OXNAD1: variants seen among roughly 807,000 people sequenced by gnomAD.
OXNAD1 encodes the protein oxidoreductase NAD-binding domain-containing protein 1.
In OXNAD1, 34 loss-of-function variants were observed where a neutral mutation model predicts 32.9. The observed-to-expected ratio is 1.03, with a 90% CI of 0.79 to 1.38. OXNAD1 has a LOEUF of 1.38. Among genes scored for constraint, OXNAD1 ranks in the 40% most tolerant of loss-of-function variants. OXNAD1 has a pLI of 0.00. For synonymous variants in OXNAD1, 134 were observed against 135.2 expected (o/e 0.99, Z 0.06); for missense variants, 407 against 379.4 (o/e 1.07, Z -0.60).
rs1466083020 is a variant in OXNAD1 at position 16,334,248 on chromosome 3, A to G, written c.*31-2864A>G. ...ACCTATTGAACTGGTAAAAACCCAA[A>G]AGTTAGGCAGCCCGCTTTGTTGCCA... On this transcript the variant is annotated intron_variant, in intron 9 of 9. Coordinates refer to the OXNAD1 transcript ENST00000435829. This position sits in a 1 kb window ranked among gnomAD's most constrained non-coding sequence, Gnocchi z 4.3. Among the ~76,000 whole-genome samples, 1 of 152,154 alleles carries G rather than the reference A, an allele frequency of 6.6e-6. No homozygotes were observed. Among genetic ancestry groups the G allele is most frequent in the African/African-American group, 2.4e-5 (1 of 41,434 alleles).
At position 16,294,528 on chromosome 3, in the gene OXNAD1, G is replaced by A. The variant is rs2066641883; in HGVS notation, c.291-328G>A. ...CTGGCCTGGGCCTGAGCTTTTCTTTGTGGGAAGTTTTAAAATTATTAACTC... is the reference window on the plus strand; with the variant it reads ...CTGGCCTGGGCCTGAGCTTTTCTTTATGGGAAGTTTTAAAATTATTAACTC... On this transcript the variant is annotated intron_variant, in intron 5 of 8. Transcript: ENST00000285083. Among the ~76,000 whole-genome samples, 3 of 152,106 alleles carry A rather than the reference G, an allele frequency of 2.0e-5. No homozygotes were observed. The South Asian group carries it at 6.2e-4, about 31-fold the overall frequency.
In OXNAD1 at chr3:16,303,467, A is replaced by G. The variant is rs201533216; in HGVS notation, c.844A>G (p.Ile282Val). 3.1e-6 allele frequency: 5 copies of G among 1,613,938 alleles called. No homozygotes were observed. The highest frequency in any genetic ancestry group is 4.2e-6 in the Non-Finnish European group (5 of 1,179,936). Reference sequence around the variant, plus strand: ...TATTTCAAAAGAGACTTTGTTCTATATTTGTGGCCCACCTCCAATGACAGA... The same window carrying G: ...TATTTCAAAAGAGACTTTGTTCTATGTTTGTGGCCCACCTCCAATGACAGA... ...DHISKETLFY[I>V]CGPPPMTDFF... is the part of the protein sequence containing the mutation. The change falls in exon 9 of 9, where the codon ATT becomes GTT. Residue 282 changes from isoleucine to valine, a missense_variant. By Grantham distance (29) the Ile-to-Val change is conservative. Transcript: ENST00000285083. This position sits in a 1 kb window ranked among gnomAD's most constrained non-coding sequence, Gnocchi z 4.8.
rs1471695954 is a variant in OXNAD1 at position 16,335,559 on chromosome 3, ACGG to A, written c.*31-1552_*31-1550del. Among the ~76,000 whole-genome samples the A allele has an allele frequency of 3.9e-5, 6 of 152,214 alleles. No individual in the cohort carries two copies. The highest frequency in any genetic ancestry group is 3.3e-4 in the Admixed American group (5 of 15,276). Reference sequence around the variant, plus strand: ...TCTCACTTACAAGTGGGAGAGCTGAACGGTGAAAACACATGTGAAAACACATGG... The same window carrying A: ...TCTCACTTACAAGTGGGAGAGCTGAATGAAAACACATGTGAAAACACATGG... On this transcript the variant is annotated intron_variant, in intron 9 of 9. Coordinates refer to the OXNAD1 transcript ENST00000435829. This position sits in a 1 kb window ranked among gnomAD's most constrained non-coding sequence, Gnocchi z 4.7.
intron 9 of OXNAD1, among the ~76,000 whole-genome samples, chr3:16,343,945 G>C (rs1397673871): frequency 6.6e-6 from 1 of 152,140 alleles, no homozygotes; most frequent in South Asian, 2.1e-4. Flanking sequence ...TGGAAATGAC[G>C]AGCAACTGCC....
At position 16,280,604 on chromosome 3, in the gene OXNAD1, A is replaced by G. The variant is rs959720250; in HGVS notation, c.184-5738A>G. 2.0e-5 allele frequency among the ~76,000 whole-genome samples: 3 copies of G among 152,124 alleles called. No individual in the cohort carries two copies. The highest frequency in any genetic ancestry group is 2.1e-4 in the South Asian group (1 of 4,822). On this transcript the variant is annotated intron_variant, in intron 4 of 8. Coordinates refer to ENST00000285083, the MANE Select transcript of OXNAD1 (RefSeq NM_138381.5). The surrounding 1 kb of genome is among the most constrained non-coding windows in gnomAD (Gnocchi z 4.5). Reference sequence around the variant, plus strand: ...TTCTGAAATTCTCTGAACCATACCTACATTTTTGTTTTAGGTCATCTCTAG... The same window carrying G: ...TTCTGAAATTCTCTGAACCATACCTGCATTTTTGTTTTAGGTCATCTCTAG...
intron 4 of OXNAD1, chr3:16,272,042 C>T: frequency 2.1e-6 from 1 of 484,182 alleles, no homozygotes; most frequent in Non-Finnish European, 3.8e-6. Context: ...TCCTTTAAAG[C>T]CTACATTTTA....
chr3:16,331,918 C>T (rs1460139737), intron 9 of OXNAD1, among the ~76,000 whole-genome samples: 3 of 152,158 alleles, frequency 2.0e-5, no homozygotes, highest in African/African-American at 2.4e-5. Flanking sequence ...TTGATTTATC[C>T]GTCAAAATTT....
In OXNAD1 at chr3:16,289,925, CAT is replaced by C. The variant is rs2066316711; in HGVS notation, c.290+3480_290+3481del. On this transcript the variant is annotated intron_variant, in intron 5 of 8. Transcript: ENST00000285083. This position sits in a 1 kb window ranked among gnomAD's most constrained non-coding sequence, Gnocchi z 4.9. ...GGTTCATTGAGGGCAGCAACTAAGACATATGTGCATCTTTGTACCTCCAGCAA... is the reference window on the plus strand; with the variant it reads ...GGTTCATTGAGGGCAGCAACTAAGACATGTGCATCTTTGTACCTCCAGCAA... Among the ~76,000 whole-genome samples, 1 of 152,216 alleles carries C rather than the reference CAT, an allele frequency of 6.6e-6. No individual in the cohort carries two copies. The highest frequency in any genetic ancestry group is 2.4e-5 in the African/African-American group (1 of 41,456).
chr3:16,326,114 G>T (rs2069663760), intron 9 of OXNAD1, among the ~76,000 whole-genome samples: 1 of 152,260 alleles, frequency 6.6e-6, no homozygotes, highest in African/African-American at 2.4e-5. Context: ...CACAGGGCAA[G>T]ACTAATTTGG....
intron 9 of OXNAD1, among the ~76,000 whole-genome samples, chr3:16,315,362 T>C (rs842425): frequency 0.58 from 88,630 of 152,054 alleles, 25,998 homozygotes; most frequent in African/African-American, 0.66. Context: ...GTGATCAGCC[T>C]GCCTCAGCCT....
chr3:16,318,027 C>T (rs1372461507), intron 9 of OXNAD1, among the ~76,000 whole-genome samples: 2 of 152,202 alleles, frequency 1.3e-5, no homozygotes, highest in African/African-American at 4.8e-5. Flanking sequence ...AGGCCGCTTC[C>T]CGGGGGCCCA....
At position 16,271,120 on chromosome 3, in the gene OXNAD1, C is replaced by T. The variant is rs967221122; in HGVS notation, c.119+49C>T. 1.9e-6 allele frequency: 3 copies of T among 1,596,590 alleles called. No individual in the cohort carries two copies. Among genetic ancestry groups the T allele is most frequent in the African/African-American group, 1.3e-5 (1 of 74,468 alleles). On this transcript the variant is annotated intron_variant, in intron 3 of 8. Transcript: ENST00000285083. This position sits in a 1 kb window ranked among gnomAD's most constrained non-coding sequence, Gnocchi z 4.6. ...CATTTGAAGTTAATTTTCAAAGAGA[C>T]CCGACCTGCTGATGGTTGTGGGAGG...
intron 9 of OXNAD1, among the ~76,000 whole-genome samples, chr3:16,332,281 C>T (rs2070393855): frequency 6.6e-6 from 1 of 151,980 alleles, no homozygotes; most frequent in Admixed American, 6.6e-5. Context: ...ATTACCTTCC[C>T]CCACAGTTTT....
chr3:16,292,827 A>C (rs773779322), intron 5 of OXNAD1, among the ~76,000 whole-genome samples: 1 of 152,206 alleles, frequency 6.6e-6, no homozygotes, highest in Non-Finnish European at 1.5e-5. Flanking sequence ...AAATCAATTC[A>C]CCATGAATTT....
intron 9 of OXNAD1, among the ~76,000 whole-genome samples, chr3:16,311,578 C>T (rs1255327151): frequency 2.0e-5 from 3 of 152,136 alleles, no homozygotes; most frequent in Non-Finnish European, 4.4e-5. Context: ...TGAGGAAATG[C>T]CTTTGATAAG....
In OXNAD1 at chr3:16,345,786, C is replaced by CTGTGTGTGTGTGTGTG. The variant is rs1553726059; in HGVS notation, c.*31-3389_*31-3388insGTGTGTGTGTGTGTGT. 1.5e-4 allele frequency among the ~76,000 whole-genome samples: 12 copies of CTGTGTGTGTGTGTGTG among 81,550 alleles called. No individual in the cohort carries two copies. The highest frequency in any genetic ancestry group is 2.2e-4 in the African/African-American group (4 of 18,504). The allele number at this position is 81,550 out of a possible 152,430, so 53.5% of individuals were successfully genotyped here. A position where few individuals can be genotyped will look rare whatever the true frequency, so the allele number is the denominator to read the frequency against. Reference sequence around the variant, plus strand: ...CATGAGCCAAAACCTTATAATAAATCTCTGTGTGTGTGTGTGTGTGTGTGT... The same window carrying CTGTGTGTGTGTGTGTG: ...CATGAGCCAAAACCTTATAATAAATCTGTGTGTGTGTGTGTGTCTGTGTGTGTGTGTGTGTGTGTGT... On this transcript the variant is annotated intron_variant, in intron 9 of 9. Transcript: ENST00000606098. The surrounding 1 kb of genome is among the most constrained non-coding windows in gnomAD (Gnocchi z 5.2).
chr3:16,298,226 T>C lies in OXNAD1; in HGVS notation c.432+3229T>C, dbSNP rs2066935286. On this transcript the variant is annotated intron_variant, in intron 6 of 8. Transcript: ENST00000285083. The surrounding 1 kb of genome is among the most constrained non-coding windows in gnomAD (Gnocchi z 5.1). ...ACTGGCTCTAGGTTGCTCCTAGAGG[T>C]GCTAAAATATGCTGCTGGGGTGAGA... Among the ~76,000 whole-genome samples, 1 of 152,122 alleles carries C rather than the reference T, an allele frequency of 6.6e-6. No individual in the cohort carries two copies. Among genetic ancestry groups the C allele is most frequent in the African/African-American group, 2.4e-5 (1 of 41,420 alleles).
At chr3:16,278,865 C>T (rs113432285) in intron 4 of OXNAD1, among the ~76,000 whole-genome samples, 4,797 of 152,208 alleles carry the variant, frequency 0.032, 105 homozygotes, top group Middle Eastern at 0.082. Context: ...GCTTATAATC[C>T]GCTTGTGATC....
intron 5 of OXNAD1, among the ~76,000 whole-genome samples, chr3:16,294,111 C>T (rs1179349174): frequency 6.6e-6 from 1 of 151,886 alleles, no homozygotes; most frequent in African/African-American, 2.4e-5. Flanking sequence ...GAAGTGTTCT[C>T]TTCTGTTTTT....
Sources: gnomAD v4.1 joint callset for allele counts (sites outside exome capture counted in the v4.1 genomes callset) on GRCh38, gnomAD v4.1.1 for gene constraint, Gnocchi (gnomAD v3.1) non-coding constraint, MANE v1.5 for transcripts, NCBI Gene and HGNC (gene_info 2026-07-23, HGNC 2026-07-21) for gene names.